The following EMCN variants were observed in gnomAD, a reference collection of about 807,000 sequenced individuals.
The protein encoded by EMCN is endomucin, also known as MUC-14.
Under a neutral mutation model 38.4 loss-of-function variants are expected in EMCN, and 37 were observed. The ratio of observed to expected loss-of-function variants is 0.96; its 90% CI spans 0.74 to 1.27. The LOEUF (loss-of-function observed/expected upper bound fraction) is 1.27. EMCN is among the 50% of genes most tolerant of loss of function. EMCN has a pLI of 0.00. For missense variants in EMCN, 318 were observed against 302.8 expected, an observed-to-expected ratio of 1.05 and a Z score of -0.37; for synonymous variants, 95 against 100.8, an observed-to-expected ratio of 0.94 and a Z score of 0.35.
rs113050102 is a variant in EMCN at position 100,455,197 on chromosome 4, G to T, written c.377-7626C>A. Among the ~76,000 whole-genome samples the T allele has an allele frequency of 4.7e-3, 721 of 151,900 alleles. 7 individuals are homozygous for T. Among genetic ancestry groups the T allele is most frequent in the African/African-American group, 0.017 (687 of 41,456 alleles). ...CCAGTATTGATTTTACAACAGTATA[G>T]TTATAACCTTTCTCTCATTTTGGCA... On this transcript the variant is annotated intron_variant, in intron 4 of 11. Coordinates refer to ENST00000296420, the MANE Select transcript of EMCN (RefSeq NM_016242.4).
chr4:100,407,502 A>G (rs4481241), intron 11 of EMCN, among the ~76,000 whole-genome samples: 26,394 of 152,106 alleles, frequency 0.17, 3,817 homozygotes, highest in East Asian at 0.77. Context: ...TGGATATGAA[A>G]TTCTTTGTTG....
chr4:100,456,160 T>C (rs1180407356), intron 4 of EMCN, among the ~76,000 whole-genome samples: 2 of 152,168 alleles, frequency 1.3e-5, no homozygotes, highest in African/African-American at 4.8e-5. Context: ...TGTATGTATC[T>C]TAGGCCCCTG....
Position 100,443,377 on chromosome 4 carries a change from C to A in EMCN, c.415+4156G>T, listed in dbSNP as rs190747560. Reference sequence around the variant, plus strand: ...GTCTGAGGCTGCCAGTTGGGCAGGGCGCCTCTGGTTACATGTAGGCACAGT... The same window carrying A: ...GTCTGAGGCTGCCAGTTGGGCAGGGAGCCTCTGGTTACATGTAGGCACAGT... On this transcript the variant is annotated intron_variant, in intron 5 of 11. Coordinates refer to ENST00000296420, the MANE Select transcript of EMCN (RefSeq NM_016242.4). 3.3e-5 allele frequency among the ~76,000 whole-genome samples: 5 copies of A among 152,136 alleles called. 1 individual carries two copies. In the South Asian group the frequency reaches 1.0e-3, roughly 32 times the overall value.
intron 1 of EMCN, among the ~76,000 whole-genome samples, chr4:100,512,723 T>C (rs772046166): frequency 2.0e-5 from 3 of 151,688 alleles, no homozygotes; most frequent in Non-Finnish European, 4.4e-5. Context: ...GGAGAATCGC[T>C]TGAACCCGGG....
chr4:100,472,531 A>G (rs749632945), intron 3 of EMCN, among the ~76,000 whole-genome samples: 2 of 152,152 alleles, frequency 1.3e-5, no homozygotes, highest in Non-Finnish European at 2.9e-5. Flanking sequence ...TAAGATGGCA[A>G]TACTCCTCAA....
In EMCN at chr4:100,481,906, C is replaced by G. The variant is rs772582178; in HGVS notation, c.65-1867G>C. Among the ~76,000 whole-genome samples, 92 of 148,088 alleles carry G rather than the reference C, an allele frequency of 6.2e-4. 1 individual carries two copies. Among genetic ancestry groups the G allele is most frequent in the Non-Finnish European group, 3.5e-4 (23 of 65,918 alleles). On this transcript the variant is annotated intron_variant, in intron 1 of 11. Coordinates refer to ENST00000296420, the MANE Select transcript of EMCN (RefSeq NM_016242.4). ...CCTTCCTCCCTTCCTTCTTTCCTCC[C>G]TCTTTCCTTCTTTCTCTTCCTTCCT...
chr4:100,423,256 C>T (rs2110219596), intron 6 of EMCN, 56 bp downstream of exon 6: 1 of 1,431,964 alleles, frequency 7.0e-7, no homozygotes, highest in Non-Finnish European at 9.8e-7. Context: ...GTTAGGGTTT[C>T]AGTCAAGAAA....
At chr4:100,409,443 G>A (rs546355121) in intron 11 of EMCN, among the ~76,000 whole-genome samples, 2 of 152,274 alleles carry the variant, frequency 1.3e-5, no homozygotes, top group Non-Finnish European at 2.9e-5. Flanking sequence ...GGCCTGAGCT[G>A]TTTACTAAAA....
chr4:100,455,386 C>T (rs1727981497), intron 4 of EMCN, among the ~76,000 whole-genome samples: 1 of 151,948 alleles, frequency 6.6e-6, no homozygotes, highest in Admixed American at 6.6e-5. Context: ...GTTCTTCATG[C>T]CTTTATTTAG....
chr4:100,418,276 G>A (rs539714762), intron 8 of EMCN, among the ~76,000 whole-genome samples: 1 of 151,962 alleles, frequency 6.6e-6, no homozygotes, highest in Non-Finnish European at 1.5e-5. Context: ...ATTTTTGGGG[G>A]TACATAGTAG....
chr4:100,430,181 T>C (rs1420476453), intron 5 of EMCN, among the ~76,000 whole-genome samples: 2 of 152,158 alleles, frequency 1.3e-5, no homozygotes, highest in African/African-American at 2.4e-5. Context: ...CACTTAATTA[T>C]TGTATTATTA....
chr4:100,423,522 A>G (rs923785198), intron 5 of EMCN, 118 bp from the exon 6 acceptor site: 1 of 685,174 alleles, frequency 1.5e-6, no homozygotes, highest in Non-Finnish European at 2.6e-6. Context: ...TTATTGTCAA[A>G]TAGTAGGATA....
chr4:100,450,782 A>G (rs1727818233), intron 4 of EMCN, among the ~76,000 whole-genome samples: 1 of 151,940 alleles, frequency 6.6e-6, no homozygotes, highest in African/African-American at 2.4e-5. Flanking sequence ...TAAGTTTCAT[A>G]GACAAATGGT....
intron 1 of EMCN, among the ~76,000 whole-genome samples, chr4:100,499,080 T>TA (rs1009311423): frequency 3.3e-5 from 5 of 152,124 alleles, no homozygotes; most frequent in Admixed American, 6.5e-5. Context: ...AGTTACAGAA[T>TA]AAAAAAATCT....
chr4:100,477,020 G>T (rs984614514), intron 2 of EMCN, among the ~76,000 whole-genome samples: 2 of 152,110 alleles, frequency 1.3e-5, no homozygotes, highest in African/African-American at 4.8e-5. Context: ...TCTACATAGA[G>T]GATGTACAAT....
intron 3 of EMCN, among the ~76,000 whole-genome samples, chr4:100,469,429 G>A (rs558821446): frequency 1.4e-3 from 217 of 152,108 alleles, no homozygotes; most frequent in Non-Finnish European, 2.0e-3. Context: ...AAATAAATGG[G>A]ACTACATCAA....
intron 2 of EMCN, among the ~76,000 whole-genome samples, chr4:100,479,562 A>T (rs1477725913): frequency 6.6e-6 from 1 of 152,130 alleles, no homozygotes; most frequent in Non-Finnish European, 1.5e-5. Context: ...ATACAGTTTC[A>T]CCATGTTGGC....
chr4:100,415,757 A>T, intron 10 of EMCN, 141 bp downstream of exon 10: 1 of 568,914 alleles, frequency 1.8e-6, no homozygotes, highest in Non-Finnish European at 3.1e-6. Context: ...TTCATGGGAG[A>T]ATTTTACACT....
At chr4:100,411,981 G>A (rs999648195) in intron 10 of EMCN, among the ~76,000 whole-genome samples, 1 of 151,946 alleles carries the variant, frequency 6.6e-6, no homozygotes, top group Admixed American at 6.6e-5. Flanking sequence ...ACTTTTACTT[G>A]TAAAAATAAA....
Sources: allele counts gnomAD v4.1 joint callset (sites outside exome capture counted in the v4.1 genomes callset), GRCh38; gene constraint gnomAD v4.1.1; transcripts MANE v1.5; gene names NCBI Gene and HGNC (gene_info 2026-07-23, HGNC 2026-07-21).